The following PRP4K variants were observed in gnomAD, a reference collection of about 807,000 sequenced individuals.
The protein encoded by PRP4K is serine/threonine-protein kinase PRP4 homolog.
the PRP4K span, among the ~76,000 whole-genome samples, chr6:4,044,381 C>T: frequency 6.6e-6 from 1 of 152,122 alleles, no homozygotes; most frequent in Admixed American, 6.5e-5. Context: ...GAGGTTTCCA[C>T]TTTTTGGTTA....
At chr6:4,021,495 G>T in the PRP4K span, 1 of 1,569,634 alleles carries the variant, frequency 6.4e-7, no homozygotes, top group African/African-American at 1.3e-5. Context: ...TGGGCCAGAA[G>T]CTGGAGCCCG....
chr6:4,024,144 C>T, the PRP4K span, among the ~76,000 whole-genome samples: 4 of 151,996 alleles, frequency 2.6e-5, no homozygotes, highest in Admixed American at 6.5e-5. Context: ...GGATTACAGG[C>T]GTGAGCTACC....
the PRP4K span, chr6:4,059,003 C>A: frequency 7.8e-6 from 4 of 509,698 alleles, no homozygotes; most frequent in Admixed American, 7.6e-5. Context: ...GTTTTTCTAG[C>A]ATAATTAATT....
At chr6:4,042,901 AATT>A in the PRP4K span, among the ~76,000 whole-genome samples, 1 of 152,214 alleles carries the variant, frequency 6.6e-6, no homozygotes, top group South Asian at 2.1e-4. Flanking sequence ...TTTAGCAAAA[AATT>A]ATGCATGTTA....
the PRP4K span, chr6:4,064,713 A>C: frequency 6.6e-6 from 1 of 152,626 alleles, no homozygotes; most frequent in Admixed American, 6.5e-5. Flanking sequence ...TTACATGTCA[A>C]TAATGTATGC....
the PRP4K span, among the ~76,000 whole-genome samples, chr6:4,031,338 G>A: frequency 6.6e-6 from 1 of 152,124 alleles, no homozygotes; most frequent in Non-Finnish European, 1.5e-5. Context: ...CTTTTGGTGA[G>A]TTCAACCATT....
At chr6:4,044,084 TAAG>T in the PRP4K span, 1 of 1,492,062 alleles carries the variant, frequency 6.7e-7, no homozygotes, top group Admixed American at 1.7e-5. Context: ...AACTTTATAA[TAAG>T]AGACGTTATT....
the PRP4K span, among the ~76,000 whole-genome samples, chr6:4,035,861 A>G: frequency 6.6e-6 from 1 of 152,024 alleles, no homozygotes; most frequent in Non-Finnish European, 1.5e-5. Flanking sequence ...CAGCTACTCA[A>G]GGCTGAGGCG....
At chr6:4,027,282 G>T in the PRP4K span, among the ~76,000 whole-genome samples, 1 of 152,112 alleles carries the variant, frequency 6.6e-6, no homozygotes, top group South Asian at 2.1e-4. Context: ...GACATTTCTT[G>T]AACACTTAGT....
chr6:4,046,594 C>G, the PRP4K span, among the ~76,000 whole-genome samples: 91,204 of 151,814 alleles, frequency 0.6, 28,933 homozygotes, highest in East Asian at 0.77. Flanking sequence ...AATGTGAAGT[C>G]ATTGCTTAGC....
the PRP4K span, among the ~76,000 whole-genome samples, chr6:4,036,516 C>G: frequency 6.6e-6 from 1 of 152,114 alleles, no homozygotes; most frequent in African/African-American, 2.4e-5. Flanking sequence ...GCCACCACAC[C>G]TAGCTATTGT....
chr6:4,045,413 G>GA, the PRP4K span, among the ~76,000 whole-genome samples: 1 of 152,166 alleles, frequency 6.6e-6, no homozygotes, highest in African/African-American at 2.4e-5. Flanking sequence ...AGCAGAATCA[G>GA]CTATTTCTCC....
chr6:4,029,339 A>ATT, the PRP4K span, among the ~76,000 whole-genome samples: 1 of 117,492 alleles, frequency 8.5e-6, no homozygotes, highest in Non-Finnish European at 1.7e-5. Flanking sequence ...GTGTTACTCA[A>ATT]TTTTTTTTTT....
the PRP4K span, among the ~76,000 whole-genome samples, chr6:4,054,721 G>A: frequency 0.032 from 4,843 of 152,142 alleles, 259 homozygotes; most frequent in African/African-American, 0.11. Flanking sequence ...GGCCAGGATG[G>A]TCTTAATCTC....
At chr6:4,043,738 G>A in the PRP4K span, 424 of 1,386,254 alleles carry the variant, frequency 3.1e-4, 10 homozygotes, top group East Asian at 0.01. Context: ...TTTCACTGCA[G>A]CAACTCTTAG....
At chr6:4,058,835 A>G in the PRP4K span, 2 of 1,546,158 alleles carry the variant, frequency 1.3e-6, no homozygotes, top group Non-Finnish European at 1.8e-6. Flanking sequence ...TAAATGCAGC[A>G]TGCAATAGTT....
At chr6:4,026,459 T>C in the PRP4K span, among the ~76,000 whole-genome samples, 1 of 152,152 alleles carries the variant, frequency 6.6e-6, no homozygotes, top group South Asian at 2.1e-4. Context: ...TCCGCCATTA[T>C]GCCCGGCTAG....
chr6:4,037,641 A>G, the PRP4K span: 4 of 1,451,788 alleles, frequency 2.8e-6, no homozygotes, highest in Non-Finnish European at 3.7e-6. Context: ...CTCACTTGGT[A>G]GGTTTTCTTT....
chr6:4,056,589 T>C, the PRP4K span: 1 of 1,592,730 alleles, frequency 6.3e-7, no homozygotes, highest in Non-Finnish European at 8.5e-7. Context: ...TCAGGTGGAA[T>C]GAAGGTAGTT....
Sources: allele counts gnomAD v4.1 joint callset (sites outside exome capture counted in the v4.1 genomes callset), GRCh38; gene constraint gnomAD v4.1.1; transcripts MANE v1.5; gene names NCBI Gene and HGNC (gene_info 2026-07-23, HGNC 2026-07-21).